The following ATRNL1 variants were observed in gnomAD, a reference collection of about 807,000 sequenced individuals.
The protein encoded by ATRNL1 is attractin like 1.
ATRNL1 carries 95 observed loss-of-function variants against 182.7 expected under a neutral mutation model. The ratio of observed to expected loss-of-function variants is 0.52; its 90% CI spans 0.44 to 0.62. The LOEUF (loss-of-function observed/expected upper bound fraction) is 0.62, where lower values mean the gene tolerates loss of function less well. Among genes scored for constraint, ATRNL1 ranks in the 20% least tolerant of loss-of-function variants. The pLI is 0.00. For missense variants in ATRNL1, 1,471 were observed against 1,679.5 expected (o/e 0.88, Z 2.17); for synonymous variants, 576 against 568.3 (o/e 1.01, Z -0.19).
intron 8 of ATRNL1, among the ~76,000 whole-genome samples, chr10:115,188,644 T>G (rs1554889239): frequency 6.6e-6 from 1 of 152,126 alleles, no homozygotes; most frequent in Non-Finnish European, 1.5e-5. Context: ...CTTTTTTCCT[T>G]TTGATCTAAA....
intron 28 of ATRNL1, among the ~76,000 whole-genome samples, chr10:115,868,818 T>C (rs1374024383): frequency 1.6e-5 from 2 of 124,762 alleles, no homozygotes; most frequent in African/African-American, 2.9e-5. Flanking sequence ...GGCAAGTCTT[T>C]ATTCTTTTTT....
At chr10:115,550,130 G>A (rs1404842436) in intron 26 of ATRNL1, among the ~76,000 whole-genome samples, 2 of 151,742 alleles carry the variant, frequency 1.3e-5, no homozygotes, top group Non-Finnish European at 3.0e-5. Flanking sequence ...TATATAAATT[G>A]TGTATATTCG....
At chr10:115,527,612 T>G (rs79515394) in intron 25 of ATRNL1, among the ~76,000 whole-genome samples, 1,717 of 152,312 alleles carry the variant, frequency 0.011, 25 homozygotes, top group African/African-American at 0.039. Flanking sequence ...TGGAGGTTTT[T>G]AATTTTTTCC....
At chr10:115,122,519 T>C (rs1844788256) in intron 3 of ATRNL1, among the ~76,000 whole-genome samples, 1 of 152,070 alleles carries the variant, frequency 6.6e-6, no homozygotes, top group Non-Finnish European at 1.5e-5. Context: ...TTACTTTTGC[T>C]ATTTATACAA....
At chr10:115,526,492 G>A (rs563152032) in intron 25 of ATRNL1, among the ~76,000 whole-genome samples, 21 of 152,216 alleles carry the variant, frequency 1.4e-4, no homozygotes, top group Non-Finnish European at 2.6e-4. Flanking sequence ...CATCTTCCAA[G>A]CACCTGAATT....
At chr10:115,215,485 A>G (rs1237375699) in intron 8 of ATRNL1, among the ~76,000 whole-genome samples, 1 of 152,156 alleles carries the variant, frequency 6.6e-6, no homozygotes, top group African/African-American at 2.4e-5. Flanking sequence ...GTTTAACTTC[A>G]TCTATGGAAA....
chr10:115,941,417 T>C (rs1277238773), intron 28 of ATRNL1, among the ~76,000 whole-genome samples: 1 of 152,210 alleles, frequency 6.6e-6, no homozygotes, highest in Non-Finnish European at 1.5e-5. Context: ...TGGATTAGCG[T>C]AGAATTTCCT....
intron 26 of ATRNL1, among the ~76,000 whole-genome samples, chr10:115,602,971 A>G (rs2133947093): frequency 6.6e-6 from 1 of 152,340 alleles, no homozygotes; most frequent in East Asian, 1.9e-4. Flanking sequence ...ATTATAAGGA[A>G]TGTTAAAACA....
chr10:115,105,478 C>T (rs781932420), intron 1 of ATRNL1, among the ~76,000 whole-genome samples: 16 of 152,170 alleles, frequency 1.1e-4, no homozygotes, highest in Non-Finnish European at 2.4e-4. Flanking sequence ...GCATGAGTAA[C>T]GAGAAGCCAA....
In ATRNL1 at chr10:115,461,172, C is replaced by T. The variant is rs186606013; in HGVS notation, c.3323-769C>T. Among the ~76,000 whole-genome samples the T allele has an allele frequency of 2.4e-4, 36 of 151,968 alleles. 1 individual carries two copies. The highest frequency in any genetic ancestry group is 2.4e-3 in the Admixed American group (36 of 15,256). ...ATATGAAAGGTATGTATCCAAAAGACAGAAGTAATCTATATTTATTTAAAA... is the reference window on the plus strand; with the variant it reads ...ATATGAAAGGTATGTATCCAAAAGATAGAAGTAATCTATATTTATTTAAAA... On this transcript the variant is annotated intron_variant, in intron 21 of 28. Transcript: ENST00000355044.
intron 9 of ATRNL1, among the ~76,000 whole-genome samples, chr10:115,220,888 C>T (rs1454665444): frequency 4.6e-5 from 7 of 152,112 alleles, no homozygotes; most frequent in Non-Finnish European, 7.4e-5. Context: ...ACTTGCCACT[C>T]ACTCACTGAT....
intron 25 of ATRNL1, among the ~76,000 whole-genome samples, chr10:115,543,007 T>G (rs1241795151): frequency 6.6e-6 from 1 of 152,184 alleles, no homozygotes; most frequent in Non-Finnish European, 1.5e-5. Flanking sequence ...AGGCCCTGTC[T>G]TCAAATACAG....
chr10:115,833,927 T>C (rs1389865183), intron 27 of ATRNL1, among the ~76,000 whole-genome samples: 1 of 152,198 alleles, frequency 6.6e-6, no homozygotes, highest in Non-Finnish European at 1.5e-5. Flanking sequence ...CTTCACCATA[T>C]GTGTTCATAA....
intron 8 of ATRNL1, among the ~76,000 whole-genome samples, chr10:115,208,851 A>G (rs1470600422): frequency 1.3e-5 from 2 of 151,682 alleles, no homozygotes; most frequent in African/African-American, 2.4e-5. Context: ...TTATTATTAT[A>G]CTTTAAGTTC....
At chr10:115,733,516 G>C (rs1433185063) in intron 27 of ATRNL1, among the ~76,000 whole-genome samples, 2 of 152,048 alleles carry the variant, frequency 1.3e-5, no homozygotes, top group Non-Finnish European at 2.9e-5. Flanking sequence ...AAGAAACCTC[G>C]CTCCCAAGGT....
rs140031454 is a variant in ATRNL1, at chr10:115,251,092, A to G, written c.1687+9367A>G. On this transcript the variant is annotated intron_variant, in intron 10 of 28. Coordinates refer to ENST00000355044, the MANE Select transcript of ATRNL1 (RefSeq NM_207303.4). ...CATGTTAATCTTCTCTAATAAAGATATACATCTTGCACGACACCTGCAATT... is the reference window on the plus strand; with the variant it reads ...CATGTTAATCTTCTCTAATAAAGATGTACATCTTGCACGACACCTGCAATT... 1.1e-4 allele frequency among the ~76,000 whole-genome samples: 16 copies of G among 152,318 alleles called. No homozygotes were observed. In the East Asian group the frequency reaches 2.7e-3, roughly 26 times the overall value.
At chr10:115,869,327 A>AAT (rs1423636255) in intron 28 of ATRNL1, among the ~76,000 whole-genome samples, 19 of 152,312 alleles carry the variant, frequency 1.2e-4, no homozygotes, top group Admixed American at 5.2e-4. Flanking sequence ...TTTGCATAAA[A>AAT]ATATACAATG....
chr10:115,439,600 A>G (rs930049138), intron 21 of ATRNL1, among the ~76,000 whole-genome samples: 1 of 151,944 alleles, frequency 6.6e-6, no homozygotes, highest in African/African-American at 2.4e-5. Context: ...AGATGTCTAC[A>G]TCCTCCCCAG....
chr10:115,220,932 T>G (rs904871980), intron 9 of ATRNL1, among the ~76,000 whole-genome samples: 2 of 152,134 alleles, frequency 1.3e-5, no homozygotes, highest in African/African-American at 4.8e-5. Flanking sequence ...GCAATTGATT[T>G]ATTGTGGTCC....
Sources: gnomAD v4.1 joint callset for allele counts (sites outside exome capture counted in the v4.1 genomes callset) on GRCh38, gnomAD v4.1.1 for gene constraint, MANE v1.5 for transcripts, NCBI Gene and HGNC (gene_info 2026-07-23, HGNC 2026-07-21) for gene names.